THUMPD3: variants seen among roughly 807,000 people sequenced by gnomAD.
The protein encoded by THUMPD3 is THUMP domain 3 tRNA guanosine methyltransferase, also known as tRNA (guanine(6)-N(2))-methyltransferase THUMP3.
Under a neutral mutation model 54.5 loss-of-function variants are expected in THUMPD3, and 44 were observed. The ratio of observed to expected loss-of-function variants is 0.81; its 90% confidence interval spans 0.63 to 1.04. The LOEUF (loss-of-function observed/expected upper bound fraction) is 1.04. Ranked by LOEUF, THUMPD3 falls within the 50% of genes least tolerant of loss-of-function variation. The pLI is 0.00. For missense variants in THUMPD3, 604 were observed against 601.3 expected, an observed-to-expected ratio of 1.00 and a Z score of -0.05; for synonymous variants, 196 against 201.4, an observed-to-expected ratio of 0.97 and a Z score of 0.23.
At chr3:9,376,343 G>C (rs143727648) in intron 5 of THUMPD3, among the ~76,000 whole-genome samples, 6 of 152,300 alleles carry the variant, frequency 3.9e-5, no homozygotes, top group Non-Finnish European at 7.3e-5. Context: ...GTGGACTCTT[G>C]TCTCTTCTCA....
intron 3 of THUMPD3, among the ~76,000 whole-genome samples, chr3:9,369,104 GT>G (rs1425677563): frequency 2.0e-5 from 3 of 152,000 alleles, no homozygotes; most frequent in Non-Finnish European, 4.4e-5. Flanking sequence ...GAGGTCAGGA[GT>G]TTGAGAGCAG....
chr3:9,373,264 TGGA>T (rs2032200314), intron 4 of THUMPD3, among the ~76,000 whole-genome samples: 2 of 151,620 alleles, frequency 1.3e-5, no homozygotes, highest in South Asian at 4.2e-4. Context: ...AGGTCAAGAT[TGGA>T]GGATTGTTTC....
chr3:9,380,047 A>T (rs2032762691), intron 6 of THUMPD3, among the ~76,000 whole-genome samples: 1 of 152,120 alleles, frequency 6.6e-6, no homozygotes, highest in Non-Finnish European at 1.5e-5. Flanking sequence ...AACTCCCACA[A>T]CCACAAATCT....
chr3:9,378,893 T>C (rs895785885), intron 6 of THUMPD3, among the ~76,000 whole-genome samples: 4 of 152,032 alleles, frequency 2.6e-5, no homozygotes, highest in Admixed American at 2.0e-4. Context: ...TCATGATATG[T>C]GTATGAAATA....
At chr3:9,370,875 G>C (rs1452631772) in intron 3 of THUMPD3, among the ~76,000 whole-genome samples, 185 bp from the exon 4 acceptor site, 1 of 152,190 alleles carries the variant, frequency 6.6e-6, no homozygotes, top group African/African-American at 2.4e-5. Context: ...GATGTGTGTA[G>C]GTCATATGTA....
intron 4 of THUMPD3, among the ~76,000 whole-genome samples, chr3:9,372,618 CCTT>C (rs1447380964): frequency 1.3e-5 from 2 of 152,040 alleles, no homozygotes; most frequent in Admixed American, 6.6e-5. Context: ...CAAACCCTGA[CCTT>C]CTCAAACCAG....
chr3:9,384,644 G>T lies in THUMPD3; in HGVS notation c.1480G>T (p.Glu494Ter), dbSNP rs2033204524. ...RTPQAFVHPS[E>*]QDGERGTLWQ... Reference sequence around the variant, plus strand: ...ACCTCAAGCTTTTGTTCATCCTTCAGAACAAGACGGAGAAAGAGGAACTCT... The same window carrying T: ...ACCTCAAGCTTTTGTTCATCCTTCATAACAAGACGGAGAAAGAGGAACTCT... The change falls in exon 10 of 10, where the codon GAA becomes TAA. Residue 494 changes from glutamate (E) to a stop codon, truncating the protein, a stop_gained. Coordinates refer to ENST00000452837, the MANE Select transcript of THUMPD3 (RefSeq NM_001114092.2). LOFTEE classifies it high-confidence loss of function. The T allele has an allele frequency of 6.2e-7, 1 of 1,614,040 alleles. No individual in the cohort carries two copies. Among genetic ancestry groups the T allele is most frequent in the Non-Finnish European group, 8.5e-7 (1 of 1,180,048 alleles).
rs758367656 is a variant in THUMPD3, at chr3:9,384,474, TGTAAAA to T, written c.1360-46_1360-41del. The T allele has an allele frequency of 1.9e-6, 3 of 1,611,296 alleles. No homozygotes were observed. In the African/African-American group the frequency reaches 4.0e-5, roughly 22 times the overall value. ...CTTGGCAGTTAAGAATCCTAGTTGA[TGTAAAA>T]GTAGATTGTCAACCTAATTGTTATT... On this transcript the variant is annotated intron_variant, in intron 9 of 9. Coordinates refer to ENST00000452837, the MANE Select transcript of THUMPD3 (RefSeq NM_001114092.2).
rs776281798 is a variant in THUMPD3, at chr3:9,380,545, A to G, written c.1051A>G (p.Asn351Asp). ...WSDCFHIAGD[N>D]NPLAVNRAAN... ...TGACTGTTTCCATATTGCTGGTGAT[A>G]ATAATCCACTGGCTGTGAATAGAGC... Residue 351 changes from asparagine (N) to aspartate (D), a missense_variant, in exon 7 of 10, where the codon AAT becomes GAT. Coordinates refer to ENST00000452837, the MANE Select transcript of THUMPD3 (RefSeq NM_001114092.2). The G allele has an allele frequency of 1.1e-5, 18 of 1,613,648 alleles. No individual in the cohort carries two copies. The highest frequency in any genetic ancestry group is 1.4e-5 in the Non-Finnish European group (17 of 1,179,816).
rs1017263946 is a variant in THUMPD3 at position 9,384,779 on chromosome 3, T to C, written c.*91T>C. The C allele has an allele frequency of 3.4e-6, 5 of 1,451,438 alleles. No individual in the cohort carries two copies. In the African/African-American group the frequency reaches 7.0e-5, roughly 20 times the overall value. The allele number at this position is 1,451,438 out of a possible 1,614,324, so 89.9% of individuals were successfully genotyped here. A position where few individuals can be genotyped will look rare whatever the true frequency, so the allele number is the denominator to read the frequency against. Reference sequence around the variant, plus strand: ...AAAAAGTATTAACAAAACTGCAGTCTGCACTCTTTAAACCTGTTTAAGGCT... The same window carrying C: ...AAAAAGTATTAACAAAACTGCAGTCCGCACTCTTTAAACCTGTTTAAGGCT... On this transcript the variant is annotated 3_prime_UTR_variant, in exon 10 of 10. Transcript: ENST00000452837.
At chr3:9,380,440 T>C in intron 6 of THUMPD3, 63 bp from the exon 7 acceptor site, 1 of 1,130,912 alleles carries the variant, frequency 8.8e-7, no homozygotes, top group East Asian at 2.4e-5. Flanking sequence ...CTTTGTTTGT[T>C]GACAATTTAA....
At chr3:9,365,347 GT>G (rs1227871115) in intron 2 of THUMPD3, 27 bp downstream of exon 2, 3 of 1,606,504 alleles carry the variant, frequency 1.9e-6, no homozygotes, top group Non-Finnish European at 2.6e-6. Context: ...ATTTAAAATA[GT>G]TTTCTAAGTT....
At chr3:9,384,465 C>T (rs914004477) in intron 9 of THUMPD3, 59 bp from the exon 10 acceptor site, 1 of 1,609,260 alleles carries the variant, frequency 6.2e-7, no homozygotes, top group Non-Finnish European at 8.5e-7. Flanking sequence ...AGTTAAGAAT[C>T]CTAGTTGATG....
chr3:9,374,034 T>A (rs1446109389), intron 4 of THUMPD3, among the ~76,000 whole-genome samples: 2 of 152,214 alleles, frequency 1.3e-5, no homozygotes, highest in African/African-American at 4.8e-5. Context: ...ACAAACTATT[T>A]CCAGTACCTC....
Position 9,364,923 on chromosome 3 carries a change from C to T in THUMPD3, c.-53-93C>T, listed in dbSNP as rs1398058022. On this transcript the variant is annotated intron_variant, in intron 1 of 9. Coordinates refer to ENST00000452837, the MANE Select transcript of THUMPD3 (RefSeq NM_001114092.2). Reference sequence around the variant, plus strand: ...TGGTGACTGTTTATCAGATGTGTTGCCTTGTTCTTCCTGCCCTCCAGAGCC... The same window carrying T: ...TGGTGACTGTTTATCAGATGTGTTGTCTTGTTCTTCCTGCCCTCCAGAGCC... The T allele has an allele frequency of 1.1e-5, 12 of 1,043,732 alleles. No homozygotes were observed. In the East Asian group the frequency reaches 2.5e-4, roughly 22 times the overall value. The allele number at this position is 1,043,732 out of a possible 1,614,324, so 64.7% of individuals were successfully genotyped here.
At chr3:9,367,323 T>G (rs1414015050) in intron 3 of THUMPD3, among the ~76,000 whole-genome samples, 1 of 152,264 alleles carries the variant, frequency 6.6e-6, no homozygotes, top group Non-Finnish European at 1.5e-5. Context: ...AGTGACAGTT[T>G]GTGTCTTCTA....
chr3:9,368,352 C>CCG (rs2031739186), intron 3 of THUMPD3, among the ~76,000 whole-genome samples: 1 of 138,322 alleles, frequency 7.2e-6, no homozygotes, highest in Non-Finnish European at 1.5e-5. Context: ...CCACCTCCAC[C>CCG]CGCGCATATT....
chr3:9,384,145 T>G, intron 8 of THUMPD3, 67 bp from the exon 9 acceptor site: 6 of 1,541,398 alleles, frequency 3.9e-6, no homozygotes, highest in Non-Finnish European at 5.3e-6. Context: ...AAACTGTTTT[T>G]GTTTCATATA....
intron 8 of THUMPD3, 128 bp downstream of exon 8, chr3:9,383,437 T>C (rs1214120334): frequency 3.2e-6 from 2 of 633,440 alleles, no homozygotes; most frequent in East Asian, 2.9e-5. Flanking sequence ...AACAACATGA[T>C]GGATTCACCC....
Sources: gnomAD v4.1 joint callset for allele counts (sites outside exome capture counted in the v4.1 genomes callset) on GRCh38, gnomAD v4.1.1 for gene constraint, MANE v1.5 for transcripts, NCBI Gene and HGNC (gene_info 2026-07-23, HGNC 2026-07-21) for gene names.